Variants in PAK2 observed in about 807,000 individuals in gnomAD.
PAK2 encodes the protein serine/threonine-protein kinase PAK 2.
A neutral mutation model predicts 65.9 loss-of-function variants in PAK2; 21 were observed. The observed-to-expected ratio is 0.32, with a 90% CI of 0.23 to 0.46. PAK2 has a LOEUF of 0.46. Ranked by LOEUF, PAK2 falls within the 20% of genes least tolerant of loss-of-function variation. The pLI is 1.00. For missense variants in PAK2, 324 were observed against 642.6 expected, an observed-to-expected ratio of 0.50 and a Z score of 5.36; for synonymous variants, 204 against 219.7, an observed-to-expected ratio of 0.93 and a Z score of 0.63.
chr3:196,791,067 C>T lies in PAK2; in HGVS notation c.187+8234C>T, dbSNP rs1445772592. The stretch of plus-strand genomic sequence containing the variant: ...CTTTTTTCTATTCCTATAATTTCTT[C>T]TGCCATCCTGACTGAACCCCCACAT... On this transcript the variant is annotated intron_variant, in intron 2 of 14. Coordinates refer to ENST00000327134, the MANE Select transcript of PAK2 (RefSeq NM_002577.4). The surrounding 1 kb of genome is among the most constrained non-coding windows in gnomAD (Gnocchi z 4.0). Among the ~76,000 whole-genome samples the T allele has an allele frequency of 2.0e-5, 3 of 152,172 alleles. No individual in the cohort carries two copies. The highest frequency in any genetic ancestry group is 4.4e-5 in the Non-Finnish European group (3 of 68,024).
intron 1 of PAK2, among the ~76,000 whole-genome samples, chr3:196,750,647 C>G (rs1713543615): frequency 1.3e-5 from 2 of 150,124 alleles, no homozygotes; most frequent in Non-Finnish European, 3.0e-5. Context: ...TTTGTTGTGT[C>G]TTTTTAAAAT....
chr3:196,781,173 C>G lies in PAK2; in HGVS notation c.-21-1453C>G, dbSNP rs562702130. Reference sequence around the variant, plus strand: ...TTGTTTTTAAGTTCTGAACAGTTAGCATTCTTTTCATTGTATATATGCAAG... The same window carrying G: ...TTGTTTTTAAGTTCTGAACAGTTAGGATTCTTTTCATTGTATATATGCAAG... On this transcript the variant is annotated intron_variant, in intron 1 of 14. Transcript: ENST00000327134. Among the ~76,000 whole-genome samples, 45 of 152,278 alleles carry G rather than the reference C, an allele frequency of 3.0e-4. 1 individual carries two copies. In the South Asian group the frequency reaches 8.9e-3, roughly 30 times the overall value.
At chr3:196,813,484 G>T (rs1307188207) in intron 10 of PAK2, among the ~76,000 whole-genome samples, 1 of 151,112 alleles carries the variant, frequency 6.6e-6, no homozygotes, top group Non-Finnish European at 1.5e-5. Context: ...AAAAGAAAAT[G>T]ATGTATATTA....
chr3:196,804,641 A>G (rs1428531813), intron 4 of PAK2, among the ~76,000 whole-genome samples: 1 of 151,830 alleles, frequency 6.6e-6, no homozygotes, highest in Non-Finnish European at 1.5e-5. Context: ...CTAATTTTGT[A>G]TTTTTAGTAG....
rs186309739 is a variant in PAK2, at chr3:196,796,234, A to G, written c.188-5693A>G. Among the ~76,000 whole-genome samples the G allele has an allele frequency of 5.8e-4, 88 of 151,102 alleles. No homozygotes were observed. The South Asian group carries it at 6.6e-3, about 11-fold the overall frequency. Reference sequence around the variant, plus strand: ...TCTTTCTTATCTAAATTTCTTTGAAAGATAATTGTTTTGAGTTTTTAAGAA... The same window carrying G: ...TCTTTCTTATCTAAATTTCTTTGAAGGATAATTGTTTTGAGTTTTTAAGAA... On this transcript the variant is annotated intron_variant, in intron 2 of 14. Coordinates refer to ENST00000327134, the MANE Select transcript of PAK2 (RefSeq NM_002577.4).
In PAK2 at chr3:196,744,456, C is replaced by T. The variant is rs76922091; in HGVS notation, c.-22+4299C>T. On this transcript the variant is annotated intron_variant, in intron 1 of 14. Coordinates refer to ENST00000327134, the MANE Select transcript of PAK2 (RefSeq NM_002577.4). ...TGGGAGACTGAGGCAGGAGGATCAC[C>T]TGAGCTCAAGAGTTGGAGGTATAGT... is the stretch of plus-strand genomic sequence containing the variant. Among the ~76,000 whole-genome samples the T allele has an allele frequency of 1.2e-3, 181 of 152,134 alleles. 1 individual carries two copies. The highest frequency in any genetic ancestry group is 2.2e-3 in the Non-Finnish European group (147 of 67,984).
chr3:196,753,623 C>T (rs906947101), intron 1 of PAK2, among the ~76,000 whole-genome samples: 1 of 152,206 alleles, frequency 6.6e-6, no homozygotes, highest in Non-Finnish European at 1.5e-5. Context: ...TGTATACCAT[C>T]TAGTGTACAT....
At chr3:196,821,643 A>G (rs1487064975) in intron 13 of PAK2, among the ~76,000 whole-genome samples, 1 of 152,192 alleles carries the variant, frequency 6.6e-6, no homozygotes, top group African/African-American at 2.4e-5. Context: ...AGATCATGCC[A>G]TCGCACTCCA....
At chr3:196,744,061 T>G (rs1290260388) in intron 1 of PAK2, among the ~76,000 whole-genome samples, 1 of 152,102 alleles carries the variant, frequency 6.6e-6, no homozygotes, top group African/African-American at 2.4e-5. Flanking sequence ...TTTCTCAGAT[T>G]TAAAAATATG....
intron 1 of PAK2, among the ~76,000 whole-genome samples, chr3:196,763,820 G>GCC (rs1353617270): frequency 6.6e-6 from 1 of 152,048 alleles, no homozygotes; most frequent in African/African-American, 2.4e-5. Context: ...AAGGTGTCTG[G>GCC]CCAGGCTCTG....
intron 1 of PAK2, among the ~76,000 whole-genome samples, chr3:196,767,088 ATG>A (rs202022511): frequency 0.015 from 2,302 of 152,128 alleles, 102 homozygotes; most frequent in Admixed American, 0.096. Flanking sequence ...ATGGCAGTAT[ATG>A]GAGCTATTTT....
chr3:196,767,114 A>G (rs953302648), intron 1 of PAK2, among the ~76,000 whole-genome samples: 1 of 152,046 alleles, frequency 6.6e-6, no homozygotes, highest in Non-Finnish European at 1.5e-5. Flanking sequence ...ATTTGTTTTT[A>G]TAGCTTCAAA....
intron 1 of PAK2, among the ~76,000 whole-genome samples, chr3:196,779,650 TG>T (rs1235063762): frequency 6.6e-6 from 1 of 152,168 alleles, no homozygotes; most frequent in Non-Finnish European, 1.5e-5. Context: ...CACTAATTAT[TG>T]TGCCCTGTTT....
intron 8 of PAK2, among the ~76,000 whole-genome samples, chr3:196,811,073 CT>C (rs1367935616): frequency 6.6e-6 from 1 of 151,842 alleles, no homozygotes; most frequent in African/African-American, 2.4e-5. Context: ...AACTAAACTC[CT>C]TTTTTCTGTT....
chr3:196,747,077 C>T (rs1458150106), intron 1 of PAK2: 1 of 150,902 alleles, frequency 6.6e-6, no homozygotes. Context: ...GTTTTTTTTA[C>T]TAACCAGCTT....
chr3:196,779,982 GTCTT>G (rs1266669419), intron 1 of PAK2, among the ~76,000 whole-genome samples: 11 of 152,328 alleles, frequency 7.2e-5, no homozygotes, highest in African/African-American at 2.4e-4. Context: ...ACTAAGCTTT[GTCTT>G]TCTTCTGTCT....
At position 196,739,970 on chromosome 3, in the gene PAK2, C is replaced by G. The variant is rs1220629173; in HGVS notation, c.-209C>G. The stretch of plus-strand genomic sequence containing the variant: ...TCCCTCCCCTCCCCTCCCTGGCGTG[C>G]GCAGGACTCCGCCGCCGCTGGGCCT... On this transcript the variant is annotated 5_prime_UTR_variant, in exon 1 of 15. Coordinates refer to ENST00000327134, the MANE Select transcript of PAK2 (RefSeq NM_002577.4). The G allele has an allele frequency of 6.6e-6, 1 of 151,822 alleles. No homozygotes were observed. Among genetic ancestry groups the G allele is most frequent in the Non-Finnish European group, 1.5e-5 (1 of 67,886 alleles). The allele number at this position is 151,822 out of a possible 1,614,324, so 9.4% of individuals were successfully genotyped here. A position where few individuals can be genotyped will look rare whatever the true frequency, so the allele number is the denominator to read the frequency against.
chr3:196,811,232 TCCCTTCCTTCCCTCCCTC>T (rs1715787996), intron 8 of PAK2, among the ~76,000 whole-genome samples: 1 of 4,592 alleles, frequency 2.2e-4, no homozygotes, highest in Non-Finnish European at 4.0e-4. Flanking sequence ...TCCCTTCCCT[TCCCTTCCTTCCCTCCCTC>T]CCCTCCCTCC....
At chr3:196,792,818 C>T (rs13089141) in intron 2 of PAK2, among the ~76,000 whole-genome samples, 98,227 of 143,794 alleles carry the variant, frequency 0.68, 32,771 homozygotes, top group Admixed American at 0.77. Flanking sequence ...TATATATATA[C>T]ACACACACAC....
Sources: allele counts gnomAD v4.1 joint callset (sites outside exome capture counted in the v4.1 genomes callset), GRCh38; gene constraint gnomAD v4.1.1; non-coding constraint Gnocchi (gnomAD v3.1); transcripts MANE v1.5; gene names NCBI Gene and HGNC (gene_info 2026-07-23, HGNC 2026-07-21).